GALNTL6: variants seen among roughly 807,000 people sequenced by gnomAD.
The protein encoded by GALNTL6 is polypeptide N-acetylgalactosaminyltransferase like 6.
In GALNTL6, 46 loss-of-function variants were observed where a neutral mutation model predicts 73.7. The observed-to-expected ratio is 0.62, with a 90% CI of 0.49 to 0.80. The LOEUF (loss-of-function observed/expected upper bound fraction) is 0.80, where lower values mean the gene tolerates loss of function less well. Among genes scored for constraint, GALNTL6 ranks in the 30% least tolerant of loss-of-function variants. The pLI is 0.00. For missense variants in GALNTL6, 604 were observed against 755.0 expected (o/e 0.80, Z 2.34); for synonymous variants, 259 against 263.7 (o/e 0.98, Z 0.17).
At chr4:172,276,930 A>G (rs1219365213) in intron 3 of GALNTL6, among the ~76,000 whole-genome samples, 1 of 152,158 alleles carries the variant, frequency 6.6e-6, no homozygotes, top group Admixed American at 6.6e-5. Context: ...TTAATGGACT[A>G]TTTATAGCCT....
intron 2 of GALNTL6, among the ~76,000 whole-genome samples, chr4:172,129,372 T>G (rs1310280249): frequency 6.6e-6 from 1 of 152,194 alleles, no homozygotes; most frequent in East Asian, 1.9e-4. Context: ...AACCCCATGA[T>G]GGCATTGATT....
chr4:172,099,921 G>A (rs1579138384), intron 2 of GALNTL6, among the ~76,000 whole-genome samples: 1 of 152,174 alleles, frequency 6.6e-6, no homozygotes, highest in Non-Finnish European at 1.5e-5. Flanking sequence ...GAGTCACCAA[G>A]AGTGTTGGCT....
chr4:172,878,090 T>C (rs1745282324), intron 7 of GALNTL6, among the ~76,000 whole-genome samples: 1 of 151,958 alleles, frequency 6.6e-6, no homozygotes, highest in South Asian at 2.1e-4. Context: ...CTCAAAATAA[T>C]AAACTACTCT....
chr4:171,990,497 T>C (rs1315252983), intron 2 of GALNTL6, among the ~76,000 whole-genome samples: 1 of 152,180 alleles, frequency 6.6e-6, no homozygotes, highest in African/African-American at 2.4e-5. Flanking sequence ...TGCTACTTTG[T>C]ATTATTCTGA....
At chr4:172,306,279 C>G (rs966547907) in intron 3 of GALNTL6, among the ~76,000 whole-genome samples, 3 of 152,092 alleles carry the variant, frequency 2.0e-5, no homozygotes, top group Non-Finnish European at 4.4e-5. Context: ...ATCCCAGCTA[C>G]TCGGGAGGCT....
chr4:172,581,345 C>T (rs1430160218), intron 5 of GALNTL6, among the ~76,000 whole-genome samples: 2 of 152,158 alleles, frequency 1.3e-5, no homozygotes, highest in Non-Finnish European at 2.9e-5. Context: ...GAACCTGAAT[C>T]CTTGGTAGTA....
At chr4:172,833,158 A>G (rs891270824) in intron 7 of GALNTL6, among the ~76,000 whole-genome samples, 12 of 152,090 alleles carry the variant, frequency 7.9e-5, no homozygotes, top group Non-Finnish European at 1.6e-4. Flanking sequence ...ATAAATATCC[A>G]TTGCACCTGG....
intron 5 of GALNTL6, among the ~76,000 whole-genome samples, chr4:172,558,815 G>A (rs570481420): frequency 9.9e-5 from 15 of 152,086 alleles, no homozygotes; most frequent in Non-Finnish European, 1.8e-4. Flanking sequence ...TCATATGTCG[G>A]TTGCCGAAAA....
chr4:172,322,365 A>C (rs1340722325), intron 4 of GALNTL6, among the ~76,000 whole-genome samples: 1 of 152,160 alleles, frequency 6.6e-6, no homozygotes, highest in Non-Finnish European at 1.5e-5. Flanking sequence ...CTGAGGAGGT[A>C]AGAATTAAGG....
chr4:172,074,853 A>G (rs2110909496), intron 2 of GALNTL6, among the ~76,000 whole-genome samples: 1 of 152,284 alleles, frequency 6.6e-6, no homozygotes, highest in South Asian at 2.1e-4. Flanking sequence ...GATTGGGAAG[A>G]TTTGGGAGGA....
Position 172,868,195 on chromosome 4 carries a change from A to G in GALNTL6, c.924-14595A>G, listed in dbSNP as rs151161974. Among the ~76,000 whole-genome samples, 364 of 152,328 alleles carry G rather than the reference A, an allele frequency of 2.4e-3. 2 individuals carry two copies. The highest frequency in any genetic ancestry group is 8.5e-3 in the African/African-American group (355 of 41,576). ...TTGCAATGCCTGAAGGGATGCATAAATATAGATATATGATTCAAATCCTGC... is the reference window on the plus strand; with the variant it reads ...TTGCAATGCCTGAAGGGATGCATAAGTATAGATATATGATTCAAATCCTGC... On this transcript the variant is annotated intron_variant, in intron 7 of 12. Coordinates refer to ENST00000506823, the MANE Select transcript of GALNTL6 (RefSeq NM_001034845.3).
intron 2 of GALNTL6, among the ~76,000 whole-genome samples, chr4:172,122,980 A>C (rs1733194387): frequency 6.6e-6 from 1 of 152,230 alleles, no homozygotes; most frequent in South Asian, 2.1e-4. Context: ...GGTGTTTTAT[A>C]GCTTTTCTTT....
intron 5 of GALNTL6, among the ~76,000 whole-genome samples, chr4:172,763,694 G>A (rs1394463668): frequency 6.6e-6 from 1 of 152,164 alleles, no homozygotes; most frequent in Non-Finnish European, 1.5e-5. Context: ...AATGAGAAGG[G>A]TGATCTCACC....
At chr4:172,391,190 C>T (rs181429012) in intron 5 of GALNTL6, among the ~76,000 whole-genome samples, 1 of 152,320 alleles carries the variant, frequency 6.6e-6, no homozygotes, top group African/African-American at 2.4e-5. Flanking sequence ...TTATTTCTCA[C>T]AGTTCTGCTC....
At chr4:171,908,193 T>G (rs569501343) in intron 2 of GALNTL6, among the ~76,000 whole-genome samples, 2 of 151,882 alleles carry the variant, frequency 1.3e-5, no homozygotes, top group African/African-American at 4.8e-5. Flanking sequence ...GAAACTACCA[T>G]CAGAGTGAAC....
intron 2 of GALNTL6, among the ~76,000 whole-genome samples, chr4:171,968,846 G>A (rs10213180): frequency 6.8e-6 from 1 of 147,166 alleles, no homozygotes; most frequent in Non-Finnish European, 1.5e-5. Flanking sequence ...CGGGGTGGGG[G>A]GGGGGTTGGG....
At chr4:172,974,444 T>C (rs1750719569) in intron 10 of GALNTL6, among the ~76,000 whole-genome samples, 1 of 152,300 alleles carries the variant, frequency 6.6e-6, no homozygotes, top group Admixed American at 6.5e-5. Flanking sequence ...TTAGTAAAAT[T>C]TATGGACTAA....
intron 2 of GALNTL6, among the ~76,000 whole-genome samples, chr4:172,073,838 A>G (rs987179330): frequency 2.0e-5 from 3 of 152,202 alleles, no homozygotes; most frequent in Non-Finnish European, 2.9e-5. Context: ...GGGGACAATA[A>G]CTACTGGGGA....
chr4:172,931,308 G>A (rs1748326333), intron 9 of GALNTL6, 40 bp downstream of exon 9: 1 of 1,209,246 alleles, frequency 8.3e-7, no homozygotes, highest in Non-Finnish European at 1.2e-6. Context: ...GGTTGATATG[G>A]CTTTCTGTAA....
Sources: gnomAD v4.1 joint callset for allele counts (sites outside exome capture counted in the v4.1 genomes callset) on GRCh38, gnomAD v4.1.1 for gene constraint, MANE v1.5 for transcripts, NCBI Gene and HGNC (gene_info 2026-07-23, HGNC 2026-07-21) for gene names.